ABCG5: variants seen among roughly 807,000 people sequenced by gnomAD.
ABCG5 encodes ATP binding cassette subfamily G member 5, also known as ATP-binding cassette sub-family G member 5.
A neutral mutation model predicts 64.5 loss-of-function variants in ABCG5; 64 were observed. The ratio of observed to expected loss-of-function variants is 0.99; its 90% confidence interval spans 0.81 to 1.22. ABCG5 has a LOEUF of 1.22. ABCG5 is among the 50% of genes most tolerant of loss of function. The pLI, the probability that ABCG5 is intolerant of heterozygous loss-of-function variation, is 0.00. For missense variants in ABCG5, 908 were observed against 829.5 expected, an observed-to-expected ratio of 1.09 and a Z score of -1.16; for synonymous variants, 385 against 326.3, an observed-to-expected ratio of 1.18 and a Z score of -1.94.
At chr2:43,822,769 GC>G in intron 10 of ABCG5, 27 bp downstream of exon 10, 1 of 1,613,998 alleles carries the variant, frequency 6.2e-7, no homozygotes, top group African/African-American at 1.3e-5. Flanking sequence ...TGGGAGCCCG[GC>G]CCTGGGTGAA....
chr2:43,828,089 ACT>A lies in ABCG5; in HGVS notation c.526_527del (p.Leu177GlufsTer20), dbSNP rs1667731929. On this transcript the variant is annotated frameshift_variant, in exon 5 of 13. Transcript: ENST00000405322. LOFTEE classifies it high-confidence loss of function. ...KKVEAVMAEL[S>X]LSHVADRLIG... ...TCAGTCGGTCTGCCACATGGCTCAG[ACT>A]CAGCTCTGCCATGACGGCCTCCACC... 6.2e-7 allele frequency: 1 copy of A among 1,613,732 alleles called. No homozygotes were observed. Among genetic ancestry groups the A allele is most frequent in the African/African-American group, 1.3e-5 (1 of 74,798 alleles).
intron 10 of ABCG5, among the ~76,000 whole-genome samples, chr2:43,820,429 A>C (rs1572755798): frequency 6.6e-6 from 1 of 152,184 alleles, no homozygotes; most frequent in Admixed American, 6.5e-5. Flanking sequence ...AGGCATCTTC[A>C]TAAATAACCA....
At chr2:43,809,904 C>T (rs1666420259), downstream of ABCG5, 4 of 1,423,852 alleles carry the variant, frequency 2.8e-6, no homozygotes, top group Non-Finnish European at 3.7e-6. Flanking sequence ...ATTTCTTGGA[C>T]TAGTGCATCT....
chr2:43,826,257 C>T (rs973726766), intron 6 of ABCG5, 125 bp downstream of exon 6: 2 of 1,463,176 alleles, frequency 1.4e-6, no homozygotes, highest in African/African-American at 1.4e-5. Flanking sequence ...GCCTCAGCCT[C>T]CCAAAGTGCT....
chr2:43,824,037 G>A lies in ABCG5; in HGVS notation c.1200C>T (p.Leu400=). 1 of 1,614,200 alleles carries A rather than the reference G, an allele frequency of 6.2e-7. No individual in the cohort carries two copies. The highest frequency in any genetic ancestry group is 8.5e-7 in the Non-Finnish European group (1 of 1,180,036). ...LLQNLIMGLF[L]LFFVLRVRSN... ...TTCGGACCCGCAGAACGAAGAAAAG[G>A]AGGAACAAACCCATGATCAGATTCT... The change falls in exon 9 of 13, where the codon CTC becomes CTT. Residue 400 remains leucine (L), a synonymous_variant. Coordinates refer to ENST00000405322, the MANE Select transcript of ABCG5 (RefSeq NM_022436.3).
Position 43,820,111 on chromosome 2 carries a change from A to C in ABCG5, c.1464-11T>G. ...TGTAAGCCCAGCGTCCTAGAAAAGC[A>C]TAAGCTCTTTAGTTTCCTCTCCAAG... On this transcript the variant is annotated splice_polypyrimidine_tract_variant and intron_variant, in intron 10 of 12. Coordinates refer to ENST00000405322, the MANE Select transcript of ABCG5 (RefSeq NM_022436.3). 1 of 1,612,472 alleles carries C rather than the reference A, an allele frequency of 6.2e-7. No homozygotes were observed. Among genetic ancestry groups the C allele is most frequent in the Non-Finnish European group, 8.5e-7 (1 of 1,179,138 alleles).
downstream of ABCG5, among the ~76,000 whole-genome samples, chr2:43,810,876 TC>T (rs1558707971): frequency 6.6e-6 from 1 of 152,204 alleles, no homozygotes; most frequent in Non-Finnish European, 1.5e-5. Flanking sequence ...AACAGCCTAT[TC>T]CACAAGAGTA....
At chr2:43,832,539 T>G in intron 2 of ABCG5, 1 of 185,484 alleles carries the variant, frequency 5.4e-6, no homozygotes, top group Non-Finnish European at 1.1e-5. Context: ...GTCTAGAGCC[T>G]TGCTCACAAA....
chr2:43,812,622 A>C lies in ABCG5; in HGVS notation c.*494T>G, dbSNP rs1200618841. ...CCCCTCGTGTGGACATCTGCATTTA[A>C]CTCTGGGTCTTCCAGGAACAGAAGC... is the stretch of plus-strand genomic sequence containing the variant. On this transcript the variant is annotated 3_prime_UTR_variant, in exon 13 of 13. Coordinates refer to ENST00000405322, the MANE Select transcript of ABCG5 (RefSeq NM_022436.3). 1.7e-5 allele frequency: 3 copies of C among 178,650 alleles called. No individual in the cohort carries two copies. Among genetic ancestry groups the C allele is most frequent in the Non-Finnish European group, 3.6e-5 (3 of 83,912 alleles). 11.1% of individuals were successfully genotyped at this position (178,650 alleles called of 1,614,324 possible).
chr2:43,822,485 C>CCCCCCG lies in ABCG5; in HGVS notation c.1463+311_1463+312insCGGGGG, dbSNP rs1553369673. On this transcript the variant is annotated intron_variant, in intron 10 of 12. Transcript: ENST00000405322. ...CTTTCTCCCCTCCCCCAGGCCCCCC[C>CCCCCCG]CCATGCACCTGGGTCCTAGCTACTT... 5.4e-6 allele frequency: 5 copies of CCCCCCG among 925,946 alleles called. No homozygotes were observed. In the African/African-American group the frequency reaches 9.0e-5, roughly 17 times the overall value. The allele number at this position is 925,946 out of a possible 1,614,324, so 57.4% of individuals were successfully genotyped here.
downstream of ABCG5, among the ~76,000 whole-genome samples, chr2:43,811,442 C>T (rs1666476075): frequency 6.6e-6 from 1 of 152,172 alleles, no homozygotes; most frequent in Admixed American, 6.5e-5. Context: ...TATCTTTCTT[C>T]ACAAGTTAGG....
chr2:43,837,952 G>A lies in ABCG5; in HGVS notation c.147C>T (p.His49=), dbSNP rs1230488146. 1.2e-6 allele frequency: 2 copies of A among 1,614,006 alleles called. No homozygotes were observed. Among genetic ancestry groups the A allele is most frequent in the South Asian group, 1.1e-5 (1 of 91,082 alleles). ...GILHASYSVS[H]RVRPWWDITS... is the part of the protein sequence containing the mutation. ...TGATGTCCCACCAGGGCCTCACGCG[G>A]TGGCTTTAAAGGAAACCCCAGGAAG... The change falls in exon 2 of 13, where the codon CAC becomes CAT. Residue 49 remains histidine, a synonymous_variant. Transcript: ENST00000405322.
intron 12 of ABCG5, among the ~76,000 whole-genome samples, chr2:43,814,190 A>C (rs1172301258): frequency 6.6e-6 from 1 of 152,132 alleles, no homozygotes; most frequent in Non-Finnish European, 1.5e-5. Flanking sequence ...ACAGGAACTG[A>C]GTCTATCCAG....
intron 4 of ABCG5, chr2:43,828,519 G>A (rs1014145044): frequency 2.9e-5 from 11 of 379,018 alleles, no homozygotes; most frequent in Non-Finnish European, 4.5e-5. Flanking sequence ...TAAATTAGCC[G>A]GGTATGCTGG....
chr2:43,807,601 G>A (rs760515383), downstream of ABCG5, among the ~76,000 whole-genome samples: 3 of 151,644 alleles, frequency 2.0e-5, no homozygotes, highest in South Asian at 2.1e-4. Context: ...CACCATGCCC[G>A]GGTAATTTTT....
chr2:43,832,394 G>A (rs1278448237), intron 2 of ABCG5: 6 of 512,554 alleles, frequency 1.2e-5, no homozygotes, highest in Non-Finnish European at 2.1e-5. Flanking sequence ...AACTGTTTTG[G>A]ATTGAAAAAC....
At chr2:43,822,680 G>A (rs1667309013) in intron 10 of ABCG5, 117 bp downstream of exon 10, 3 of 1,565,678 alleles carry the variant, frequency 1.9e-6, no homozygotes, top group Admixed American at 1.9e-5. Flanking sequence ...ACACTGATGG[G>A]CAAAGTGTAG....
chr2:43,820,540 T>C (rs953655291), intron 10 of ABCG5, among the ~76,000 whole-genome samples: 8 of 152,186 alleles, frequency 5.3e-5, no homozygotes, highest in African/African-American at 1.9e-4. Context: ...TTATATGGGA[T>C]TATTGCCTAC....
In ABCG5 at chr2:43,826,184, G is replaced by T. The variant is rs80291642; in HGVS notation, c.774+198C>A. ...TTTCTTTCTTTTTTTTTTTTTTAGA[G>T]ATGGGGAGTCTCACTTTATTGCTCA... On this transcript the variant is annotated intron_variant, in intron 6 of 12. Coordinates refer to ENST00000405322, the MANE Select transcript of ABCG5 (RefSeq NM_022436.3). Among the ~76,000 whole-genome samples, 677 of 147,746 alleles carry T rather than the reference G, an allele frequency of 4.6e-3. 3 individuals carry two copies. The highest frequency in any genetic ancestry group is 0.016 in the African/African-American group (644 of 40,022).
Sources: allele counts gnomAD v4.1 joint callset (sites outside exome capture counted in the v4.1 genomes callset), GRCh38; gene constraint gnomAD v4.1.1; transcripts MANE v1.5; gene names NCBI Gene and HGNC (gene_info 2026-07-23, HGNC 2026-07-21).